Variants in NRG1 observed in about 807,000 individuals in gnomAD.
NRG1 encodes the protein pro-neuregulin-1, membrane-bound isoform.
A neutral mutation model predicts 63.8 loss-of-function variants in NRG1; 18 were observed. The observed-to-expected ratio is 0.28, with a 90% confidence interval of 0.19 to 0.42. NRG1 has a LOEUF of 0.42. NRG1 is among the 10% of genes least tolerant of loss of function. The probability of loss-of-function intolerance (pLI) is 1.00; values close to 1 mark genes in which losing one functional copy is unlikely to be tolerated. For missense variants in NRG1, 762 were observed against 814.7 expected (o/e 0.94, Z 0.79); for synonymous variants, 302 against 301.3 (o/e 1.00, Z -0.02).
At chr8:31,873,948 A>T (rs1365652330) in intron 1 of NRG1, among the ~76,000 whole-genome samples, 5 of 151,956 alleles carry the variant, frequency 3.3e-5, no homozygotes, top group African/African-American at 4.8e-5. Context: ...TTACTTTTTC[A>T]TTTTGCTTGT....
chr8:32,249,894 A>T (rs1170051798), intron 1 of NRG1, among the ~76,000 whole-genome samples: 3 of 152,118 alleles, frequency 2.0e-5, no homozygotes, highest in Admixed American at 1.3e-4. Flanking sequence ...TATCTTGAAG[A>T]AAAGGAAGGG....
chr8:32,128,882 C>T (rs1834442470), intron 1 of NRG1, among the ~76,000 whole-genome samples: 2 of 152,044 alleles, frequency 1.3e-5, no homozygotes, highest in Middle Eastern at 3.4e-3. Flanking sequence ...CAAGCCTTCT[C>T]TTTTGCTTTT....
At chr8:32,606,865 G>A (rs1845368768) in intron 3 of NRG1, among the ~76,000 whole-genome samples, 1 of 152,120 alleles carries the variant, frequency 6.6e-6, no homozygotes, top group Non-Finnish European at 1.5e-5. Flanking sequence ...AATTCTATGG[G>A]AGGCTGATGT....
rs145066694 is a variant in NRG1, at chr8:32,763,938, C to A, written c.1450C>A (p.Arg484=). ...ACTTCTCGTGACACCACCAAGGCTG[C>A]GGGAGAAGAAGTTTGACCATCACCC... is the stretch of plus-strand genomic sequence containing the variant. Residue 484 remains arginine, a synonymous_variant, in exon 12 of 12, where the codon CGG becomes AGG. Coordinates refer to ENST00000356819, the Ensembl canonical transcript of NRG1. The A allele has an allele frequency of 1.9e-6, 3 of 1,613,902 alleles. No individual in the cohort carries two copies. The African/African-American group carries it at 4.0e-5, about 22-fold the overall frequency.
chr8:32,586,581 C>T (rs1168344941), intron 1 of NRG1, among the ~76,000 whole-genome samples: 1 of 152,080 alleles, frequency 6.6e-6, no homozygotes, highest in Non-Finnish European at 1.5e-5. Flanking sequence ...GATTTTTAAT[C>T]TACTGTCCTT....
At chr8:31,897,723 C>A (rs1234943331) in intron 1 of NRG1, among the ~76,000 whole-genome samples, 2 of 151,974 alleles carry the variant, frequency 1.3e-5, no homozygotes, top group Non-Finnish European at 1.5e-5. Flanking sequence ...ATTAGAAAAT[C>A]TTTGAAGCTG....
intron 1 of NRG1, among the ~76,000 whole-genome samples, chr8:32,003,887 TA>T (rs1193510849): frequency 2.6e-5 from 4 of 151,802 alleles, no homozygotes; most frequent in African/African-American, 9.7e-5. Flanking sequence ...AATACGTTAC[TA>T]AAGAAAAAGT....
At chr8:32,607,453 T>C (rs1470334398) in intron 3 of NRG1, among the ~76,000 whole-genome samples, 2 of 152,100 alleles carry the variant, frequency 1.3e-5, no homozygotes, top group East Asian at 1.9e-4. Flanking sequence ...AAATTAAAGC[T>C]AGTGTCATAG....
chr8:32,347,107 G>A (rs984705530), intron 1 of NRG1, among the ~76,000 whole-genome samples: 7 of 152,090 alleles, frequency 4.6e-5, no homozygotes, highest in African/African-American at 1.7e-4. Context: ...GGGATTACGG[G>A]CATGAGCCAC....
At chr8:32,095,202 G>A (rs1462072658) in intron 1 of NRG1, among the ~76,000 whole-genome samples, 1 of 152,098 alleles carries the variant, frequency 6.6e-6, no homozygotes, top group Non-Finnish European at 1.5e-5. Flanking sequence ...GAGCCTCTGC[G>A]CCGTGCCATT....
intron 1 of NRG1, among the ~76,000 whole-genome samples, chr8:32,058,911 T>A (rs1382272238): frequency 6.6e-6 from 1 of 152,068 alleles, no homozygotes; most frequent in East Asian, 1.9e-4. Flanking sequence ...AATCACTCTT[T>A]CTGTGTTTAG....
intron 1 of NRG1, among the ~76,000 whole-genome samples, chr8:32,189,471 A>C (rs918554393): frequency 2.6e-5 from 4 of 152,228 alleles, no homozygotes; most frequent in African/African-American, 9.6e-5. Context: ...CTAACAGAGC[A>C]CGGTCCTGGC....
chr8:31,948,379 C>A (rs1055277624), intron 1 of NRG1, among the ~76,000 whole-genome samples: 19 of 152,134 alleles, frequency 1.2e-4, no homozygotes, highest in African/African-American at 4.6e-4. Context: ...ACCCTGAAAT[C>A]TATGCAGATA....
rs543601330 is a variant in NRG1, at chr8:31,893,407, G to A, written c.37+253976G>A. Among the ~76,000 whole-genome samples the A allele has an allele frequency of 4.0e-5, 6 of 151,366 alleles. No homozygotes were observed. The South Asian group carries it at 1.2e-3, about 32-fold the overall frequency. On this transcript the variant is annotated intron_variant, in intron 1 of 10. Transcript: ENST00000519301. The stretch of plus-strand genomic sequence containing the variant: ...AGTAGAGTGAAGGAAATCAGTTAAA[G>A]CATTCAAATAAAGAGAAAAATGTAA...
intron 11 of NRG1, among the ~76,000 whole-genome samples, chr8:32,762,822 A>T (rs1830962686): frequency 6.6e-6 from 1 of 152,214 alleles, no homozygotes; most frequent in South Asian, 2.1e-4. Context: ...AGGACTTCTT[A>T]TACTGGGGGA....
intron 5 of NRG1, among the ~76,000 whole-genome samples, chr8:32,725,624 C>T (rs750404386): frequency 8.6e-5 from 13 of 151,380 alleles, no homozygotes; most frequent in Non-Finnish European, 1.2e-4. Context: ...TACAGGGGCA[C>T]GCCACCATGC....
chr8:32,104,637 CT>C (rs1428085454), intron 1 of NRG1, among the ~76,000 whole-genome samples: 1 of 151,848 alleles, frequency 6.6e-6, no homozygotes, highest in South Asian at 2.1e-4. Context: ...AAAATAATTT[CT>C]TTTTATCCTC....
chr8:31,833,726 A>G (rs1224729579), intron 1 of NRG1, among the ~76,000 whole-genome samples: 1 of 152,184 alleles, frequency 6.6e-6, no homozygotes, highest in African/African-American at 2.4e-5. Context: ...CTTCCTGATT[A>G]GTCATCTTGG....
At chr8:32,363,012 G>A (rs952762030) in intron 1 of NRG1, among the ~76,000 whole-genome samples, 1 of 152,178 alleles carries the variant, frequency 6.6e-6, no homozygotes, top group African/African-American at 2.4e-5. Flanking sequence ...CGCATGGGGT[G>A]TGCAATTAAC....
Sources: gnomAD v4.1 joint callset for allele counts (sites outside exome capture counted in the v4.1 genomes callset) on GRCh38, gnomAD v4.1.1 for gene constraint, MANE v1.5 for transcripts, NCBI Gene and HGNC (gene_info 2026-07-23, HGNC 2026-07-21) for gene names.